The following KIF13A variants were observed in gnomAD, a reference collection of about 807,000 sequenced individuals.
The protein encoded by KIF13A is kinesin-like protein KIF13A.
Under a neutral mutation model 212.2 loss-of-function variants are expected in KIF13A, and 79 were observed. The observed-to-expected ratio is 0.37, with a 90% CI of 0.31 to 0.45. The LOEUF is 0.45. KIF13A is among the 20% of genes least tolerant of loss of function. KIF13A has a pLI of 1.00. For missense variants in KIF13A, 1,901 were observed against 2,209.0 expected, an observed-to-expected ratio of 0.86 and a Z score of 2.79; for synonymous variants, 789 against 808.6, an observed-to-expected ratio of 0.98 and a Z score of 0.41.
chr6:17,937,488 A>C (rs1237770534), intron 2 of KIF13A, among the ~76,000 whole-genome samples: 1 of 152,210 alleles, frequency 6.6e-6, no homozygotes, highest in African/African-American at 2.4e-5. Context: ...AGACACAGTA[A>C]ATCTAATTGT....
chr6:17,906,609 C>T (rs1162180834), intron 2 of KIF13A, among the ~76,000 whole-genome samples: 1 of 151,888 alleles, frequency 6.6e-6, no homozygotes, highest in Non-Finnish European at 1.5e-5. Flanking sequence ...CTACCACACC[C>T]AGCTAATTTT....
intron 12 of KIF13A, among the ~76,000 whole-genome samples, chr6:17,832,362 G>C (rs1485288353): frequency 6.6e-6 from 1 of 152,066 alleles, no homozygotes; most frequent in Non-Finnish European, 1.5e-5. Flanking sequence ...TATGCTATAC[G>C]TTACAAATTC....
At chr6:17,957,561 G>A (rs1240434428) in intron 2 of KIF13A, among the ~76,000 whole-genome samples, 1 of 152,182 alleles carries the variant, frequency 6.6e-6, no homozygotes, top group Non-Finnish European at 1.5e-5. Flanking sequence ...GAAGCTGGTA[G>A]GTCAGAAGTT....
At position 17,779,251 on chromosome 6, in the gene KIF13A, ATATATATTTTTTTTTTTTTTTTTTTTTTT is replaced by A. The variant is rs1189515525; in HGVS notation, c.3940-181_3940-153del. Among the ~76,000 whole-genome samples the A allele has an allele frequency of 9.7e-4, 9 of 9,292 alleles. 1 individual carries two copies. Among genetic ancestry groups the A allele is most frequent in the African/African-American group, 4.4e-3 (9 of 2,026 alleles). 6.1% of individuals were successfully genotyped at this position (9,292 alleles called of 152,430 possible). On this transcript the variant is annotated intron_variant, in intron 32 of 38. Coordinates refer to ENST00000259711, the MANE Select transcript of KIF13A (RefSeq NM_022113.6). Reference sequence around the variant, plus strand: ...TTTAAAGTAGCATATATATATATATATATATATTTTTTTTTTTTTTTTTTTTTTTTTTTTTTTGAGACAGAGTTTCGCTC... The same window carrying A: ...TTTAAAGTAGCATATATATATATATATTTTTTTTGAGACAGAGTTTCGCTC...
At chr6:17,969,770 G>T (rs1362841903) in intron 2 of KIF13A, among the ~76,000 whole-genome samples, 1 of 152,096 alleles carries the variant, frequency 6.6e-6, no homozygotes, top group Non-Finnish European at 1.5e-5. Context: ...AAATCTTTTG[G>T]TTTTTGGCAT....
At chr6:17,865,812 C>T (rs1244834543) in intron 4 of KIF13A, among the ~76,000 whole-genome samples, 2 of 152,192 alleles carry the variant, frequency 1.3e-5, no homozygotes, top group East Asian at 3.9e-4. Context: ...AGACCACGGA[C>T]ACATTTTCCA....
chr6:17,848,969 G>A (rs974049429), intron 9 of KIF13A, among the ~76,000 whole-genome samples: 1 of 152,074 alleles, frequency 6.6e-6, no homozygotes, highest in African/African-American at 2.4e-5. Context: ...CCAAGCTGGA[G>A]TGTAGTGGTG....
chr6:17,843,268 T>C lies in KIF13A; in HGVS notation c.831-5685A>G, dbSNP rs1463748657. Among the ~76,000 whole-genome samples the C allele has an allele frequency of 6.6e-6, 1 of 152,192 alleles. No individual in the cohort carries two copies. The highest frequency in any genetic ancestry group is 2.4e-5 in the African/African-American group (1 of 41,466). ...CTCTGTTTAAAAAGGACTAATTCAATGATGGTTTTGGGATACATCGAGTGC... is the reference window on the plus strand; with the variant it reads ...CTCTGTTTAAAAAGGACTAATTCAACGATGGTTTTGGGATACATCGAGTGC... On this transcript the variant is annotated intron_variant, in intron 9 of 38. Coordinates refer to ENST00000259711, the MANE Select transcript of KIF13A (RefSeq NM_022113.6). The surrounding 1 kb of genome is among the most constrained non-coding windows in gnomAD (Gnocchi z 5.3).
intron 3 of KIF13A, among the ~76,000 whole-genome samples, chr6:17,887,820 A>C (rs372111238): frequency 1.7e-4 from 25 of 150,480 alleles, no homozygotes; most frequent in African/African-American, 4.4e-4. Flanking sequence ...CAGCCTCCCG[A>C]GTAGCTGGGA....
rs1772834604 is a variant in KIF13A at position 17,899,102 on chromosome 6, A to C, written c.147-922T>G. Reference sequence around the variant, plus strand: ...CTCAGCCTCCCAAAGTGCTGGGATTACAGGTGTGAACCACTGCATTTGGCT... The same window carrying C: ...CTCAGCCTCCCAAAGTGCTGGGATTCCAGGTGTGAACCACTGCATTTGGCT... On this transcript the variant is annotated intron_variant, in intron 2 of 38. Transcript: ENST00000259711. This position sits in a 1 kb window ranked among gnomAD's most constrained non-coding sequence, Gnocchi z 5.2. Among the ~76,000 whole-genome samples, 2 of 152,218 alleles carry C rather than the reference A, an allele frequency of 1.3e-5. No homozygotes were observed. The highest frequency in any genetic ancestry group is 4.1e-4 in the South Asian group (2 of 4,832).
At chr6:17,833,691 A>C (rs2150375683) in intron 12 of KIF13A, among the ~76,000 whole-genome samples, 1 of 151,526 alleles carries the variant, frequency 6.6e-6, no homozygotes, top group Admixed American at 6.6e-5. Context: ...CCCCATCTCT[A>C]CTAAAAATAT....
chr6:17,831,514 G>C (rs1765451451), intron 12 of KIF13A, among the ~76,000 whole-genome samples: 1 of 150,780 alleles, frequency 6.6e-6, no homozygotes, highest in African/African-American at 2.5e-5. Flanking sequence ...AAAGAGGAGA[G>C]TGTTGTGCTA....
chr6:17,894,439 T>A (rs1177118266), intron 3 of KIF13A, among the ~76,000 whole-genome samples: 1 of 152,228 alleles, frequency 6.6e-6, no homozygotes, highest in Admixed American at 6.5e-5. Flanking sequence ...CTTACTGATA[T>A]GATCACATAG....
intron 3 of KIF13A, among the ~76,000 whole-genome samples, chr6:17,891,248 T>C (rs1772026407): frequency 6.6e-6 from 1 of 152,220 alleles, no homozygotes; most frequent in African/African-American, 2.4e-5. Context: ...CTGAAATAAA[T>C]GTTTCTCCAC....
Position 17,785,649 on chromosome 6 carries a change from A to G in KIF13A, c.3362-8T>C, listed in dbSNP as rs775251936. The G allele has an allele frequency of 6.2e-7, 1 of 1,600,426 alleles. No homozygotes were observed. The highest frequency in any genetic ancestry group is 8.5e-7 in the Non-Finnish European group (1 of 1,173,570). ...CATCGTCCTCTGTTTTCTCTGCAGAAAAAAATGAGGAGATCAATGCCAACA... is the reference window on the plus strand; with the variant it reads ...CATCGTCCTCTGTTTTCTCTGCAGAGAAAAATGAGGAGATCAATGCCAACA... On this transcript the variant is annotated splice_polypyrimidine_tract_variant and splice_region_variant and intron_variant, in intron 27 of 38. Coordinates refer to ENST00000259711, the MANE Select transcript of KIF13A (RefSeq NM_022113.6). The surrounding 1 kb of genome is among the most constrained non-coding windows in gnomAD (Gnocchi z 5.8).
At chr6:17,763,544 C>T (rs1758694913), downstream of KIF13A, 1 of 151,124 alleles carries the variant, frequency 6.6e-6, no homozygotes, top group Admixed American at 6.6e-5. Flanking sequence ...TTCCAAAGTC[C>T]AAACTTCAAC....
rs572793024 is a variant in KIF13A at position 17,963,238 on chromosome 6, C to T, written c.146+23816G>A. On this transcript the variant is annotated intron_variant, in intron 2 of 38. Coordinates refer to ENST00000259711, the MANE Select transcript of KIF13A (RefSeq NM_022113.6). This position sits in a 1 kb window ranked among gnomAD's most constrained non-coding sequence, Gnocchi z 4.1. ...TTCAAGACCAGCCTGGCCAACATGG[C>T]GAAGCTCCGTCTCTACTAAAAATAC... 6.6e-5 allele frequency among the ~76,000 whole-genome samples: 10 copies of T among 152,038 alleles called. No homozygotes were observed. Among genetic ancestry groups the T allele is most frequent in the Admixed American group, 2.0e-4 (3 of 15,280 alleles).
chr6:17,936,107 T>C (rs1245804524), intron 2 of KIF13A, among the ~76,000 whole-genome samples: 1 of 152,216 alleles, frequency 6.6e-6, no homozygotes, highest in East Asian at 1.9e-4. Context: ...ATCAGAACAA[T>C]TCATCCAGGG....
chr6:17,902,580 C>T (rs377650797), intron 2 of KIF13A, among the ~76,000 whole-genome samples: 3 of 152,120 alleles, frequency 2.0e-5, no homozygotes, highest in East Asian at 1.9e-4. Flanking sequence ...CATGCCTTTA[C>T]CCCACTTTGT....
Sources: allele counts gnomAD v4.1 joint callset (sites outside exome capture counted in the v4.1 genomes callset), GRCh38; gene constraint gnomAD v4.1.1; non-coding constraint Gnocchi (gnomAD v3.1); transcripts MANE v1.5; gene names NCBI Gene and HGNC (gene_info 2026-07-23, HGNC 2026-07-21).